MAGED2: variants seen among roughly 807,000 people sequenced by gnomAD.
MAGED2 encodes MAGE family member D2, also known as melanoma-associated antigen D2.
MAGED2 carries 6 observed loss-of-function variants against 41.7 expected under a neutral mutation model. The observed-to-expected ratio is 0.14, with a 90% CI of 0.08 to 0.28. MAGED2 has a LOEUF of 0.28. Ranked by LOEUF, MAGED2 falls within the 10% of genes least tolerant of loss-of-function variation. The pLI, the probability that MAGED2 is intolerant of heterozygous loss-of-function variation, is 1.00. For synonymous variants in MAGED2, 146 were observed against 178.2 expected (o/e 0.82, Z 1.44); for missense variants, 343 against 486.4 (o/e 0.71, Z 2.77).
At position 54,812,172 on chromosome X, in the gene MAGED2, T is replaced by C. The variant is rs191668283; in HGVS notation, c.1006T>C (p.Leu336=). The C allele has an allele frequency of 3.6e-5, 43 of 1,185,772 alleles. No individual in the cohort carries two copies. Among genetic ancestry groups the C allele is most frequent in the African/African-American group, 1.2e-4 (7 of 56,639 alleles). ...YSLEKVFGIQ[L]KEIDKNDHLY... ...CCATCCACAGGTATTTGGGATTCAA[T>C]TGAAGGAAATTGATAAGAATGACCA... The change falls in exon 7 of 13, where the codon TTG becomes CTG. Residue 336 remains leucine (L), a synonymous_variant. Transcript: ENST00000375068.
At position 54,811,542 on chromosome X, in the gene MAGED2, A is replaced by G. The variant is rs201432553; in HGVS notation, c.911-32A>G. ...CATCAGGGCCACCTGGCATCTCTTC[A>G]GTCAGGTGCTCACAACACTCTCCCC... On this transcript the variant is annotated intron_variant, in intron 5 of 12. Transcript: ENST00000375068. The G allele has an allele frequency of 2.9e-5, 32 of 1,119,408 alleles. No individual in the cohort carries two copies. In the African/African-American group the frequency reaches 4.5e-4, roughly 16 times the overall value. 92.3% of individuals were successfully genotyped at this position (1,119,408 alleles called of 1,213,427 possible). A position where few individuals can be genotyped will look rare whatever the true frequency, so the allele number is the denominator to read the frequency against.
intron 1 of MAGED2, 182 bp from the exon 2 acceptor site, chrX:54,809,121 G>A (rs1929716873): frequency 2.3e-6 from 1 of 431,241 alleles, no homozygotes; most frequent in African/African-American, 2.4e-5. Context: ...GAAGGGGAGG[G>A]TGCGGCTGCA....
At position 54,810,072 on chromosome X, in the gene MAGED2, A is replaced by G. The variant is rs1043034; in HGVS notation, c.396A>G (p.Thr132=). 0.37 allele frequency: 448,704 copies of G among 1,203,510 alleles called. 60,298 individuals carry two copies. The highest frequency in any genetic ancestry group is 0.67 in the African/African-American group (37,751 of 56,048). The part of the protein sequence containing the change: ...ETKKVSHVAD[T]KVNTKAQETE... ...AAAAGGTCAGCCATGTGGCTGATAC[A>G]AAGGTCAATACAAAGGCTCAGGAGA... Residue 132 remains threonine, a synonymous_variant, in exon 3 of 13, where the codon ACA becomes ACG. Transcript: ENST00000375068.
At chrX:54,809,146 A>C in intron 1 of MAGED2, 157 bp from the exon 2 acceptor site, 1 of 453,893 alleles carries the variant, frequency 2.2e-6, no homozygotes, top group Non-Finnish European at 3.9e-6. Flanking sequence ...ATTGAGACTT[A>C]GAAGCTTTGA....
At chrX:54,811,411 C>A in intron 5 of MAGED2, 98 bp downstream of exon 5, 2 of 960,509 alleles carry the variant, frequency 2.1e-6, no homozygotes, top group Non-Finnish European at 3.0e-6. Flanking sequence ...GCTTATGTCT[C>A]TGTCCTCCCA....
At chrX:54,813,952 G>T (rs67033507) in intron 10 of MAGED2, among the ~76,000 whole-genome samples, 4 of 112,224 alleles carry the variant, frequency 3.6e-5, no homozygotes, top group Non-Finnish European at 7.5e-5. Flanking sequence ...ATTAATTTCC[G>T]TAAAGAAATG....
At chrX:54,812,335 C>A in intron 7 of MAGED2, 84 bp downstream of exon 7, 1 of 567,214 alleles carries the variant, frequency 1.8e-6, no homozygotes, top group Non-Finnish European at 2.8e-6. Context: ...TTCCCCCATC[C>A]TCTTAGAGAG....
chrX:54,807,988 A>T (rs1929667121), intron 1 of MAGED2, among the ~76,000 whole-genome samples, 186 bp downstream of exon 1: 1 of 108,550 alleles, frequency 9.2e-6, no homozygotes, highest in Admixed American at 9.9e-5. Flanking sequence ...GGGAGCAGAG[A>T]CTAGCGGAGG....
chrX:54,810,843 A>G lies in MAGED2; in HGVS notation c.560A>G (p.Glu187Gly). The G allele has an allele frequency of 1.7e-6, 2 of 1,173,768 alleles. No homozygotes were observed. The highest frequency in any genetic ancestry group is 6.0e-5 in the East Asian group (2 of 33,294). The change falls in exon 4 of 13, where the codon GAG (glutamate) becomes GGG (glycine). Residue 187 changes from glutamate (E) to glycine (G), a missense_variant. By Grantham distance (98) the Glu-to-Gly change is moderately conservative (BLOSUM62 -2). Coordinates refer to ENST00000375068, the MANE Select transcript of MAGED2 (RefSeq NM_177433.3). The part of the protein sequence containing the change: ...ARKVKHLDGE[E>G]DGSSDQSQAS... ...CAGGTGAAGCATCTGGATGGGGAAG[A>G]GGATGGCAGCAGTGATCAGAGTCAG...
chrX:54,808,386 G>A (rs1205225889), intron 1 of MAGED2: 1 of 111,442 alleles, frequency 9.0e-6, no homozygotes, highest in East Asian at 2.9e-4. Context: ...CCGAGTTTCG[G>A]AGGGGCTTGG....
At chrX:54,811,722 C>T in intron 6 of MAGED2, 69 bp downstream of exon 6, 1 of 823,560 alleles carries the variant, frequency 1.2e-6, no homozygotes, top group Non-Finnish European at 1.8e-6. Context: ...GTACAAGTCC[C>T]TTCTCGGGAA....
chrX:54,812,260 G>A lies in MAGED2; in HGVS notation c.1085+9G>A. ...GCAGGCATACTGGGAACGTAAGCTGGGAAAGGGCTGAGGTGTGGGGGGCTT... is the reference window on the plus strand; with the variant it reads ...GCAGGCATACTGGGAACGTAAGCTGAGAAAGGGCTGAGGTGTGGGGGGCTT... On this transcript the variant is annotated intron_variant, in intron 7 of 12. Coordinates refer to ENST00000375068, the MANE Select transcript of MAGED2 (RefSeq NM_177433.3). The A allele has an allele frequency of 2.6e-6, 3 of 1,133,996 alleles. No homozygotes were observed. Among genetic ancestry groups the A allele is most frequent in the Non-Finnish European group, 3.6e-6 (3 of 833,579 alleles). 93.5% of individuals were successfully genotyped at this position (1,133,996 alleles called of 1,213,427 possible).
At chrX:54,813,634 CATGTGTCT>C (rs1244744312) in intron 10 of MAGED2, 84 bp downstream of exon 10, 10 of 788,943 alleles carry the variant, frequency 1.3e-5, no homozygotes, top group Non-Finnish European at 1.9e-5. Context: ...TGCATGGATG[CATGTGTCT>C]ATGTGTGTAT....
chrX:54,811,153 C>G (rs1322764323), intron 4 of MAGED2, 24 bp downstream of exon 4: 1 of 1,189,473 alleles, frequency 8.4e-7, no homozygotes, highest in Non-Finnish European at 1.1e-6. Context: ...CGTTTTTATT[C>G]TGCCTTTTCT....
intron 1 of MAGED2, 131 bp downstream of exon 1, chrX:54,807,933 T>G (rs1324532857): frequency 9.0e-6 from 1 of 110,517 alleles, no homozygotes; most frequent in Non-Finnish European, 1.9e-5. Flanking sequence ...TGGAGTGGGG[T>G]GTAGGCAATG....
At chrX:54,812,521 G>A (rs751638659) in intron 7 of MAGED2, among the ~76,000 whole-genome samples, 6 of 111,936 alleles carry the variant, frequency 5.4e-5, no homozygotes, top group South Asian at 7.5e-4. Context: ...CAGGCCTGTC[G>A]TTGCTTGCCT....
At chrX:54,813,799 C>A (rs1929879705) in intron 10 of MAGED2, among the ~76,000 whole-genome samples, 3 of 112,092 alleles carry the variant, frequency 2.7e-5, no homozygotes, top group African/African-American at 6.5e-5. Context: ...TCATTACCAT[C>A]ATTGTACGTA....
chrX:54,809,124 C>T (rs1929717117), intron 1 of MAGED2, 179 bp from the exon 2 acceptor site: 3 of 428,040 alleles, frequency 7.0e-6, no homozygotes, highest in Admixed American at 3.7e-5. Flanking sequence ...GGGGAGGGTG[C>T]GGCTGCAGAG....
At chrX:54,808,825 G>T (rs907101011) in intron 1 of MAGED2, among the ~76,000 whole-genome samples, 1 of 112,520 alleles carries the variant, frequency 8.9e-6, no homozygotes, top group Admixed American at 9.3e-5. Flanking sequence ...AGAGGGGCGT[G>T]TGTTGGGGCA....
Sources: gnomAD v4.1 joint callset for allele counts (sites outside exome capture counted in the v4.1 genomes callset) on GRCh38, gnomAD v4.1.1 for gene constraint, MANE v1.5 for transcripts, NCBI Gene and HGNC (gene_info 2026-07-23, HGNC 2026-07-21) for gene names.